PIBF1: variants seen among roughly 807,000 people sequenced by gnomAD.
PIBF1 encodes progesterone immunomodulatory binding factor 1.
In PIBF1, 90 loss-of-function variants were observed where a neutral mutation model predicts 112.5. The ratio of observed to expected loss-of-function variants is 0.80; its 90% CI spans 0.67 to 0.95. The LOEUF (loss-of-function observed/expected upper bound fraction) is 0.95, where lower values mean the gene tolerates loss of function less well. Among genes scored for constraint, PIBF1 ranks in the 40% least tolerant of loss-of-function variants. The pLI is 0.00. For missense variants in PIBF1, 915 were observed against 852.3 expected, an observed-to-expected ratio of 1.07 and a Z score of -0.92; for synonymous variants, 301 against 288.6, an observed-to-expected ratio of 1.04 and a Z score of -0.44.
intron 15 of PIBF1, among the ~76,000 whole-genome samples, chr13:72,966,941 C>T (rs1040446743): frequency 6.9e-6 from 1 of 144,300 alleles, no homozygotes; most frequent in African/African-American, 2.5e-5. Flanking sequence ...AATTTTGAAT[C>T]TTTTTTTTTT....
chr13:72,985,908 G>C (rs1435096159), intron 16 of PIBF1, among the ~76,000 whole-genome samples: 1 of 152,176 alleles, frequency 6.6e-6, no homozygotes, highest in Non-Finnish European at 1.5e-5. Context: ...CCAGGACTTT[G>C]GGAGGCTGAG....
intron 14 of PIBF1, among the ~76,000 whole-genome samples, chr13:72,940,886 T>G (rs2041992652): frequency 6.6e-6 from 1 of 152,220 alleles, no homozygotes; most frequent in African/African-American, 2.4e-5. Context: ...CTGTCTCCTG[T>G]CTTTATACAT....
At chr13:72,783,282 CT>C (rs771457539) in intron 1 of PIBF1, 140 bp from the exon 2 acceptor site, 16,696 of 502,610 alleles carry the variant, frequency 0.033, 384 homozygotes, top group South Asian at 0.043. Context: ...ATTAACTTAA[CT>C]GCAATAATCT....
chr13:72,923,958 C>G (rs1375967240), intron 13 of PIBF1, among the ~76,000 whole-genome samples: 2 of 152,066 alleles, frequency 1.3e-5, no homozygotes, highest in Non-Finnish European at 2.9e-5. Context: ...GAGCGAAACT[C>G]TAACTCAAAA....
At chr13:72,845,184 C>G (rs2037814390) in intron 9 of PIBF1, among the ~76,000 whole-genome samples, 1 of 151,866 alleles carries the variant, frequency 6.6e-6, no homozygotes, top group Non-Finnish European at 1.5e-5. Context: ...GTTCCCCTCC[C>G]TGTTTCCGTG....
chr13:72,824,836 G>A (rs1269955441), intron 6 of PIBF1, among the ~76,000 whole-genome samples: 1 of 152,054 alleles, frequency 6.6e-6, no homozygotes. Flanking sequence ...ACCAATAATG[G>A]GATAAACTGA....
chr13:72,924,206 A>G (rs1297913517), intron 13 of PIBF1, among the ~76,000 whole-genome samples: 1 of 152,208 alleles, frequency 6.6e-6, no homozygotes, highest in Non-Finnish European at 1.5e-5. Context: ...GGTTGAATAT[A>G]GAAGTGGTGA....
chr13:72,901,246 G>T (rs919630235), intron 11 of PIBF1: 1 of 219,480 alleles, frequency 4.6e-6, no homozygotes, highest in African/African-American at 2.4e-5. Flanking sequence ...GTGGGCTTAG[G>T]ACATGAATAG....
intron 15 of PIBF1, among the ~76,000 whole-genome samples, chr13:72,966,532 G>A (rs1024848355): frequency 2.6e-5 from 4 of 152,062 alleles, no homozygotes; most frequent in African/African-American, 2.4e-5. Flanking sequence ...ACAATTCACT[G>A]GGCACCTGAT....
chr13:72,975,937 T>A (rs1008240189), intron 16 of PIBF1, among the ~76,000 whole-genome samples: 3 of 149,128 alleles, frequency 2.0e-5, no homozygotes, highest in Non-Finnish European at 4.4e-5. Context: ...TAGATATTAA[T>A]TTTTTTTTCA....
intron 14 of PIBF1, among the ~76,000 whole-genome samples, chr13:72,959,374 C>T (rs1411863796): frequency 1.3e-5 from 2 of 152,118 alleles, no homozygotes; most frequent in Middle Eastern, 3.2e-3. Context: ...GCCCCCCTAT[C>T]GGACCTCAAG....
chr13:72,854,454 A>G (rs2038320476), intron 10 of PIBF1, among the ~76,000 whole-genome samples: 2 of 152,178 alleles, frequency 1.3e-5, no homozygotes, highest in African/African-American at 2.4e-5. Flanking sequence ...CTTAACTGCT[A>G]CTACTCAAGA....
chr13:72,796,162 A>T (rs187205008), intron 4 of PIBF1, among the ~76,000 whole-genome samples: 3 of 152,210 alleles, frequency 2.0e-5, no homozygotes, highest in Admixed American at 2.0e-4. Flanking sequence ...ACACAATTCC[A>T]TTGGCCTTAA....
chr13:72,964,006 A>G (rs2042674700), intron 14 of PIBF1, among the ~76,000 whole-genome samples: 1 of 152,250 alleles, frequency 6.6e-6, no homozygotes, highest in Admixed American at 6.5e-5. Context: ...GAAGTGAAAC[A>G]AGAACTCAAG....
At chr13:72,823,498 A>C (rs964665701) in intron 6 of PIBF1, among the ~76,000 whole-genome samples, 1 of 152,340 alleles carries the variant, frequency 6.6e-6, no homozygotes, top group Admixed American at 6.5e-5. Flanking sequence ...TAGTTCACTC[A>C]GCAGAATGAA....
intron 11 of PIBF1, among the ~76,000 whole-genome samples, chr13:72,899,744 G>T (rs983504970): frequency 2.6e-5 from 4 of 152,102 alleles, no homozygotes; most frequent in East Asian, 1.9e-4. Flanking sequence ...AGTACTGGAA[G>T]TCCTAGCCAA....
chr13:72,872,381 T>C (rs993981375), intron 10 of PIBF1, among the ~76,000 whole-genome samples: 2 of 152,144 alleles, frequency 1.3e-5, no homozygotes, highest in African/African-American at 4.8e-5. Context: ...AGGCTATAAT[T>C]TTGATTTAGG....
At chr13:72,841,010 T>G (rs1289634302) in intron 9 of PIBF1, among the ~76,000 whole-genome samples, 1 of 152,194 alleles carries the variant, frequency 6.6e-6, no homozygotes. Context: ...ATTCCACTAG[T>G]TCTTGAAGTT....
At chr13:72,837,370 G>A (rs1289540427) in intron 9 of PIBF1, among the ~76,000 whole-genome samples, 1 of 152,028 alleles carries the variant, frequency 6.6e-6, no homozygotes, top group Non-Finnish European at 1.5e-5. Flanking sequence ...TCCTAAGCTA[G>A]CCTTCATATG....
Sources: gnomAD v4.1 joint callset for allele counts (sites outside exome capture counted in the v4.1 genomes callset) on GRCh38, gnomAD v4.1.1 for gene constraint, MANE v1.5 for transcripts, NCBI Gene and HGNC (gene_info 2026-07-23, HGNC 2026-07-21) for gene names.